Variants in TMEM50B observed in about 807,000 individuals in gnomAD.
The protein encoded by TMEM50B is HCV p7-trans-regulated protein 3.
In TMEM50B, 14 loss-of-function variants were observed where a neutral mutation model predicts 23.4. The ratio of observed to expected loss-of-function variants is 0.60; its 90% CI spans 0.39 to 0.93. TMEM50B has a LOEUF of 0.93. Ranked by LOEUF, TMEM50B falls within the 40% of genes least tolerant of loss-of-function variation. The pLI, the probability that TMEM50B is intolerant of heterozygous loss-of-function variation, is 0.00. For synonymous variants in TMEM50B, 64 were observed against 62.3 expected (o/e 1.03, Z -0.13); for missense variants, 159 against 193.0 (o/e 0.82, Z 1.04).
At chr21:33,445,795 A>C (rs1284153684), downstream of TMEM50B, among the ~76,000 whole-genome samples, 2 of 152,128 alleles carry the variant, frequency 1.3e-5, no homozygotes, top group Non-Finnish European at 1.5e-5. Context: ...TCAAAAAAAA[A>C]AGGAAAAAAA....
At chr21:33,470,154 G>C (rs1432994377) in intron 1 of TMEM50B, among the ~76,000 whole-genome samples, 4 of 151,932 alleles carry the variant, frequency 2.6e-5, no homozygotes, top group African/African-American at 9.7e-5. Context: ...GGCAGAAATT[G>C]AAAGAAACTT....
At chr21:33,463,569 G>A (rs1400306776) in intron 4 of TMEM50B, among the ~76,000 whole-genome samples, 2 of 152,052 alleles carry the variant, frequency 1.3e-5, no homozygotes, top group Admixed American at 1.3e-4. Context: ...TTACACAACT[G>A]TAACTGTACA....
intron 1 of TMEM50B, among the ~76,000 whole-genome samples, chr21:33,472,041 AAAAG>A (rs1248472083): frequency 1.3e-3 from 200 of 151,062 alleles, no homozygotes; most frequent in Non-Finnish European, 2.2e-3. Flanking sequence ...AAAAAAAAAA[AAAAG>A]AAAGAAAGAA....
At chr21:33,435,468 G>GAA (rs571288960) in intron 8 of TMEM50B, among the ~76,000 whole-genome samples, 47 of 152,124 alleles carry the variant, frequency 3.1e-4, no homozygotes, top group African/African-American at 1.1e-3. Context: ...AAAATCAGAA[G>GAA]AAAAAAACAA....
chr21:33,452,077 C>T (rs2084126739), intron 6 of TMEM50B, among the ~76,000 whole-genome samples: 1 of 152,190 alleles, frequency 6.6e-6, no homozygotes. Flanking sequence ...TCTGTTCATC[C>T]AATTGTCATT....
At chr21:33,452,362 C>T (rs115901378) in intron 6 of TMEM50B, among the ~76,000 whole-genome samples, 1,686 of 152,220 alleles carry the variant, frequency 0.011, 33 homozygotes, top group African/African-American at 0.038. Flanking sequence ...ACAGAGGGAA[C>T]GCAGGAGATC....
At chr21:33,441,240 A>G (rs936758167) in intron 7 of TMEM50B, among the ~76,000 whole-genome samples, 1 of 152,054 alleles carries the variant, frequency 6.6e-6, no homozygotes, top group Admixed American at 6.6e-5. Flanking sequence ...AAAAAAAAAA[A>G]GGACTTCTTG....
intron 1 of TMEM50B, among the ~76,000 whole-genome samples, chr21:33,472,278 G>A (rs2084324952): frequency 6.6e-6 from 1 of 151,486 alleles, no homozygotes; most frequent in Non-Finnish European, 1.5e-5. Flanking sequence ...AGCTACTCAG[G>A]AGGCTAAGGC....
At chr21:33,453,025 T>C (rs1270778648) in intron 6 of TMEM50B, among the ~76,000 whole-genome samples, 1 of 152,190 alleles carries the variant, frequency 6.6e-6, no homozygotes, top group Admixed American at 6.6e-5. Context: ...ATGGCATAGA[T>C]TAGACATTGC....
At chr21:33,448,217 A>T (rs1158826197), downstream of TMEM50B, among the ~76,000 whole-genome samples, 1 of 151,506 alleles carries the variant, frequency 6.6e-6, no homozygotes, top group African/African-American at 2.4e-5. Context: ...CTGGTCTCGA[A>T]CTCCTGACCT....
At chr21:33,441,445 A>C (rs138096710) in intron 7 of TMEM50B, among the ~76,000 whole-genome samples, 3 of 152,284 alleles carry the variant, frequency 2.0e-5, no homozygotes, top group African/African-American at 7.2e-5. Flanking sequence ...AAAGGAAAAA[A>C]TGAGGATTAG....
intron 6 of TMEM50B, among the ~76,000 whole-genome samples, chr21:33,453,941 T>A (rs371880566): frequency 2.6e-5 from 4 of 151,822 alleles, no homozygotes; most frequent in Non-Finnish European, 4.4e-5. Context: ...CCATCTCTAC[T>A]AAAAATACAA....
intron 8 of TMEM50B, among the ~76,000 whole-genome samples, chr21:33,436,540 T>C (rs1031155148): frequency 2.6e-5 from 4 of 151,944 alleles, no homozygotes; most frequent in Non-Finnish European, 4.4e-5. Flanking sequence ...GTGGCCAACA[T>C]AGTGAAACCC....
chr21:33,474,883 A>G (rs1325436643), intron 1 of TMEM50B, among the ~76,000 whole-genome samples: 1 of 121,804 alleles, frequency 8.2e-6, no homozygotes, highest in African/African-American at 3.1e-5. Context: ...ACAAATCAGG[A>G]CAGAGGCTAC....
At chr21:33,474,955 C>A (rs972724816) in intron 1 of TMEM50B, among the ~76,000 whole-genome samples, 5 of 150,828 alleles carry the variant, frequency 3.3e-5, no homozygotes, top group African/African-American at 7.3e-5. Context: ...AAGACAGAGT[C>A]TCTCTCTGTC....
intron 6 of TMEM50B, among the ~76,000 whole-genome samples, chr21:33,455,405 T>TAC (rs989966056): frequency 6.6e-6 from 1 of 152,028 alleles, no homozygotes; most frequent in Non-Finnish European, 1.5e-5. Flanking sequence ...AGGCTGGTCT[T>TAC]AAACTCCTAG....
downstream of TMEM50B, among the ~76,000 whole-genome samples, chr21:33,445,274 C>T (rs2084042454): frequency 6.6e-6 from 1 of 152,160 alleles, no homozygotes; most frequent in African/African-American, 2.4e-5. Context: ...TCCTGCCATA[C>T]TTACTCAAAG....
intron 5 of TMEM50B, among the ~76,000 whole-genome samples, chr21:33,456,325 A>G (rs1411822987): frequency 1.3e-5 from 2 of 152,142 alleles, no homozygotes; most frequent in Non-Finnish European, 2.9e-5. Flanking sequence ...CAGCGTCCCA[A>G]GTGGATGGGA....
At chr21:33,433,412 A>G (rs1161494311) in intron 8 of TMEM50B, among the ~76,000 whole-genome samples, 1 of 152,258 alleles carries the variant, frequency 6.6e-6, no homozygotes, top group Non-Finnish European at 1.5e-5. Flanking sequence ...GTCTTTCCAT[A>G]CAATGGAATA....
Sources: gnomAD v4.1 joint callset for allele counts (sites outside exome capture counted in the v4.1 genomes callset) on GRCh38, gnomAD v4.1.1 for gene constraint, MANE v1.5 for transcripts, NCBI Gene and HGNC (gene_info 2026-07-23, HGNC 2026-07-21) for gene names.